Variants in SEL1L3 observed in about 807,000 individuals in gnomAD.
SEL1L3 encodes the protein SEL1L family member 3, also known as protein sel-1 homolog 3.
SEL1L3 carries 76 observed loss-of-function variants against 142.8 expected under a neutral mutation model. The ratio of observed to expected loss-of-function variants is 0.53; its 90% CI spans 0.44 to 0.64. The LOEUF (loss-of-function observed/expected upper bound fraction) is 0.64, where lower values mean the gene tolerates loss of function less well. SEL1L3 is among the 30% of genes least tolerant of loss of function. The pLI is 0.00. For missense variants in SEL1L3, 1,262 were observed against 1,381.7 expected (o/e 0.91, Z 1.37); for synonymous variants, 504 against 519.6 (o/e 0.97, Z 0.41).
the SEL1L3 span, among the ~76,000 whole-genome samples, chr4:25,717,777 C>G: frequency 6.6e-6 from 1 of 152,156 alleles, no homozygotes. Flanking sequence ...TGACCCTGGG[C>G]AAGTCACGTA....
chr4:25,808,938 T>A (rs62409277), intron 9 of SEL1L3, among the ~76,000 whole-genome samples: 49,551 of 142,434 alleles, frequency 0.35, 8,402 homozygotes, highest in Admixed American at 0.4. Context: ...CAGGGTGTGG[T>A]GGCGAGTGCC....
chr4:25,807,468 C>CA (rs1713669551), intron 9 of SEL1L3, among the ~76,000 whole-genome samples: 1 of 152,074 alleles, frequency 6.6e-6, no homozygotes, highest in African/African-American at 2.4e-5. Context: ...CTGTAGCACT[C>CA]AGAGTTGCAA....
rs1717842018 is a variant in SEL1L3 at position 25,862,954 on chromosome 4, C to G, written c.-118G>C. ...GGCCGGCCGCCGCGCGCGGGGCCAC[C>G]TGCCGCCACCTCCGGACCCGCCGCC... On this transcript the variant is annotated 5_prime_UTR_variant, in exon 1 of 24. Transcript: ENST00000399878. The G allele has an allele frequency of 6.0e-6, 4 of 666,306 alleles. No homozygotes were observed. Among genetic ancestry groups the G allele is most frequent in the Non-Finnish European group, 7.4e-6 (4 of 540,544 alleles). The allele number at this position is 666,306 out of a possible 1,614,324, so 41.3% of individuals were successfully genotyped here.
At chr4:25,863,297 T>A (rs1434545665), upstream of SEL1L3, 2 of 225,458 alleles carry the variant, frequency 8.9e-6, no homozygotes, top group Non-Finnish European at 1.7e-5. Flanking sequence ...ATCCCCCTCC[T>A]CTCCCTCCGG....
intron 9 of SEL1L3, among the ~76,000 whole-genome samples, chr4:25,811,241 A>C (rs1461727033): frequency 6.6e-6 from 1 of 152,170 alleles, no homozygotes; most frequent in East Asian, 1.9e-4. Flanking sequence ...TGACGGCTAC[A>C]TTTCTGGGAT....
Position 25,847,275 on chromosome 4 carries a change from A to G in SEL1L3, c.733+19T>C. 6.3e-7 allele frequency: 1 copy of G among 1,585,066 alleles called. No individual in the cohort carries two copies. The highest frequency in any genetic ancestry group is 8.6e-7 in the Non-Finnish European group (1 of 1,163,020). On this transcript the variant is annotated intron_variant, in intron 2 of 23. Transcript: ENST00000399878. ...CTGAAAAAATGAGAATTAGGTTCCT[A>G]GCAAGATAGATGACCTACCATTTTC...
intron 10 of SEL1L3, among the ~76,000 whole-genome samples, chr4:25,803,204 A>C (rs1302720745): frequency 6.6e-6 from 1 of 152,266 alleles, no homozygotes; most frequent in East Asian, 1.9e-4. Flanking sequence ...ACAGTTGGGA[A>C]AAGAGAGGCC....
At chr4:25,755,704 G>A (rs1177638461) in intron 23 of SEL1L3, among the ~76,000 whole-genome samples, 1 of 152,112 alleles carries the variant, frequency 6.6e-6, no homozygotes, top group Admixed American at 6.5e-5. Context: ...CATGGAGACA[G>A]AAAAAAGAGA....
intron 5 of SEL1L3, among the ~76,000 whole-genome samples, 172 bp downstream of exon 5, chr4:25,832,823 G>A (rs1312806734): frequency 1.3e-5 from 2 of 152,206 alleles, no homozygotes; most frequent in Non-Finnish European, 2.9e-5. Flanking sequence ...GGATTCTTAT[G>A]ATTTAAACTT....
chr4:25,715,752 C>G, the SEL1L3 span, among the ~76,000 whole-genome samples: 134 of 151,958 alleles, frequency 8.8e-4, no homozygotes, highest in Non-Finnish European at 1.8e-3. Context: ...CAAAGAAACT[C>G]TCTTAAATAT....
intron 1 of SEL1L3, among the ~76,000 whole-genome samples, chr4:25,859,052 G>A (rs1488802295): frequency 5.9e-5 from 9 of 152,198 alleles, no homozygotes; most frequent in Admixed American, 2.6e-4. Context: ...AGCTTAGAAC[G>A]AACAAAATTG....
At chr4:25,722,708 C>CA in the SEL1L3 span, among the ~76,000 whole-genome samples, 65 of 149,458 alleles carry the variant, frequency 4.3e-4, no homozygotes, top group African/African-American at 1.6e-3. Context: ...CCTCCTTCCT[C>CA]AGCATCCCAA....
At chr4:25,787,278 T>C (rs1301983967) in intron 13 of SEL1L3, among the ~76,000 whole-genome samples, 2 of 152,248 alleles carry the variant, frequency 1.3e-5, no homozygotes, top group Non-Finnish European at 2.9e-5. Context: ...AATGCACTAA[T>C]ACATGCAAAG....
At chr4:25,840,109 G>GT (rs2109298019) in intron 2 of SEL1L3, among the ~76,000 whole-genome samples, 1 of 152,330 alleles carries the variant, frequency 6.6e-6, no homozygotes, top group African/African-American at 2.4e-5. Flanking sequence ...CTGAGCCTCG[G>GT]TTTTCCTCTT....
At position 25,769,170 on chromosome 4, in the gene SEL1L3, G is replaced by A. The variant is rs1010217158; in HGVS notation, c.2670-1340C>T. ...CACCTAGGAACTGGTTTAGGAAACG[G>A]TGGGGAAAGGTTCGGTGAGGGGGAG... On this transcript the variant is annotated intron_variant, in intron 17 of 23. Transcript: ENST00000399878. Among the ~76,000 whole-genome samples, 23 of 152,236 alleles carry A rather than the reference G, an allele frequency of 1.5e-4. 1 individual carries two copies. In the Middle Eastern group the frequency reaches 0.01, roughly 68 times the overall value.
chr4:25,833,676 G>GA, intron 3 of SEL1L3, 107 bp from the exon 4 acceptor site: 1 of 1,036,694 alleles, frequency 9.6e-7, no homozygotes, highest in Non-Finnish European at 1.4e-6. Context: ...ATGAATGGAT[G>GA]AATTTGCCTT....
chr4:25,835,399 G>A, intron 2 of SEL1L3, 76 bp from the exon 3 acceptor site: 1 of 1,525,968 alleles, frequency 6.6e-7, no homozygotes, highest in Non-Finnish European at 9.0e-7. Flanking sequence ...CATCCTGAAA[G>A]CCTCTGCTGA....
chr4:25,783,982 T>C (rs965220595), intron 14 of SEL1L3, among the ~76,000 whole-genome samples: 1 of 152,180 alleles, frequency 6.6e-6, no homozygotes, highest in African/African-American at 2.4e-5. Flanking sequence ...CGAATGCTAT[T>C]GACTGGAAGG....
At chr4:25,852,904 C>T (rs1382498084) in intron 1 of SEL1L3, among the ~76,000 whole-genome samples, 1 of 152,120 alleles carries the variant, frequency 6.6e-6, no homozygotes, top group Non-Finnish European at 1.5e-5. Context: ...AAACAGAATG[C>T]CAGGGTAATG....
Sources: gnomAD v4.1 joint callset for allele counts (sites outside exome capture counted in the v4.1 genomes callset) on GRCh38, gnomAD v4.1.1 for gene constraint, MANE v1.5 for transcripts, NCBI Gene and HGNC (gene_info 2026-07-23, HGNC 2026-07-21) for gene names.